The following SAMD4A variants were observed in gnomAD, a reference collection of about 807,000 sequenced individuals.
SAMD4A encodes the protein protein Smaug homolog 1.
Under a neutral mutation model 81.3 loss-of-function variants are expected in SAMD4A, and 33 were observed. The observed-to-expected ratio is 0.41, with a 90% CI of 0.31 to 0.54. The LOEUF (loss-of-function observed/expected upper bound fraction) is 0.54, where lower values mean the gene tolerates loss of function less well. Ranked by LOEUF, SAMD4A falls within the 20% of genes least tolerant of loss-of-function variation. The pLI, the probability that SAMD4A is intolerant of heterozygous loss-of-function variation, is 0.37. For missense variants in SAMD4A, 854 were observed against 951.1 expected, an observed-to-expected ratio of 0.90 and a Z score of 1.34; for synonymous variants, 389 against 382.1, an observed-to-expected ratio of 1.02 and a Z score of -0.21.
chr14:54,703,932 T>C (rs1459782343), intron 3 of SAMD4A: 3 of 152,202 alleles, frequency 2.0e-5, no homozygotes, highest in African/African-American at 7.2e-5. Flanking sequence ...CTTGGATCTT[T>C]GGTTACCAGG....
At chr14:54,651,210 T>A (rs940324765) in intron 2 of SAMD4A, among the ~76,000 whole-genome samples, 4 of 152,228 alleles carry the variant, frequency 2.6e-5, no homozygotes, top group Non-Finnish European at 5.9e-5. Context: ...TGACTTCTTT[T>A]ACTCGACTCA....
intron 2 of SAMD4A, among the ~76,000 whole-genome samples, chr14:54,670,035 C>T (rs530908467): frequency 5.3e-5 from 8 of 152,134 alleles, no homozygotes; most frequent in East Asian, 3.9e-4. Context: ...ACGTTGTGAA[C>T]GCACTGAGTG....
intron 3 of SAMD4A, among the ~76,000 whole-genome samples, chr14:54,723,425 A>G (rs952075213): frequency 1.3e-5 from 2 of 152,214 alleles, no homozygotes; most frequent in African/African-American, 2.4e-5. Flanking sequence ...TTACCACAGA[A>G]GCAAGAATAG....
intron 3 of SAMD4A, among the ~76,000 whole-genome samples, chr14:54,706,588 G>A (rs1172017176): frequency 1.3e-5 from 2 of 148,410 alleles, no homozygotes; most frequent in African/African-American, 5.0e-5. Context: ...CTGGGTGACA[G>A]AGCAAGACTC....
In SAMD4A at chr14:54,597,584, C is replaced by CTTT. The variant is rs71127662; in HGVS notation, c.196+29493_196+29495dup. The stretch of plus-strand genomic sequence containing the variant: ...CACCGCACCCGGCCTTTCCTTCTAT[C>CTTT]TTTTTTTTTTTTTTTTTTTTTTTGA... On this transcript the variant is annotated intron_variant, in intron 2 of 12. Transcript: ENST00000554335. Among the ~76,000 whole-genome samples the CTTT allele has an allele frequency of 1.7e-3, 155 of 90,860 alleles. 5 individuals carry two copies. The highest frequency in any genetic ancestry group is 0.015 in the East Asian group (36 of 2,416). 59.6% of individuals were successfully genotyped at this position (90,860 alleles called of 152,430 possible).
intron 2 of SAMD4A, among the ~76,000 whole-genome samples, chr14:54,678,484 T>G: frequency 3.1e-5 from 2 of 64,900 alleles, no homozygotes; most frequent in African/African-American, 5.2e-5. Flanking sequence ...TGTGTGTGTG[T>G]GTGTGTGTGT....
chr14:54,772,395 AC>A (rs1018134949), intron 9 of SAMD4A, among the ~76,000 whole-genome samples: 7 of 151,948 alleles, frequency 4.6e-5, no homozygotes, highest in South Asian at 4.1e-4. Context: ...AGCAGTGGCA[AC>A]CCTCTGCAAA....
At chr14:54,695,224 T>C (rs531958441) in intron 2 of SAMD4A, among the ~76,000 whole-genome samples, 1 of 152,304 alleles carries the variant, frequency 6.6e-6, no homozygotes, top group South Asian at 2.1e-4. Flanking sequence ...TAACAACAAG[T>C]TATCTCAGTT....
chr14:54,738,394 T>C (rs1405336217), intron 4 of SAMD4A, among the ~76,000 whole-genome samples: 2 of 152,192 alleles, frequency 1.3e-5, no homozygotes, highest in Admixed American at 1.3e-4. Context: ...GACAAGAAGC[T>C]GCTCCCCTGG....
At chr14:54,782,247 C>T (rs2039016028) in intron 11 of SAMD4A, among the ~76,000 whole-genome samples, 1 of 152,270 alleles carries the variant, frequency 6.6e-6, no homozygotes, top group African/African-American at 2.4e-5. Context: ...ATCCAAATCT[C>T]TCCACAGTGT....
intron 3 of SAMD4A, among the ~76,000 whole-genome samples, chr14:54,722,333 A>G (rs1216279248): frequency 6.6e-6 from 1 of 152,066 alleles, no homozygotes; most frequent in African/African-American, 2.4e-5. Context: ...TTCTGGAACA[A>G]CCCCACTGGC....
At chr14:54,765,879 C>G (rs982680231) in intron 8 of SAMD4A, among the ~76,000 whole-genome samples, 29 of 152,152 alleles carry the variant, frequency 1.9e-4, no homozygotes, top group African/African-American at 6.8e-4. Context: ...GATTCCATCC[C>G]AGCTCCCCCT....
chr14:54,623,633 G>GGGAGGC (rs1372403632), intron 2 of SAMD4A, among the ~76,000 whole-genome samples: 7 of 152,146 alleles, frequency 4.6e-5, no homozygotes, highest in African/African-American at 1.4e-4. Context: ...GTTGGGGAGG[G>GGGAGGC]TGGGGACAAG....
At chr14:54,779,882 C>G (rs1191400812) in intron 11 of SAMD4A, among the ~76,000 whole-genome samples, 2 of 152,146 alleles carry the variant, frequency 1.3e-5, no homozygotes, top group Non-Finnish European at 2.9e-5. Flanking sequence ...CACCAGAAAA[C>G]AAGTGTGGCG....
chr14:54,603,686 A>G (rs1223555980), intron 2 of SAMD4A, among the ~76,000 whole-genome samples: 1 of 152,022 alleles, frequency 6.6e-6, no homozygotes, highest in African/African-American at 2.4e-5. Context: ...TACATGAGTC[A>G]TTCATTCCCA....
intron 2 of SAMD4A, among the ~76,000 whole-genome samples, chr14:54,675,672 G>A (rs551525736): frequency 1.9e-4 from 29 of 152,286 alleles, no homozygotes; most frequent in Non-Finnish European, 4.0e-4. Context: ...AAGTTTTATC[G>A]AGTTTCACCA....
intron 3 of SAMD4A, among the ~76,000 whole-genome samples, chr14:54,710,360 A>G (rs1168486642): frequency 6.6e-6 from 1 of 152,144 alleles, no homozygotes; most frequent in African/African-American, 2.4e-5. Context: ...CTTTACATAA[A>G]TATTAACTCA....
intron 2 of SAMD4A, among the ~76,000 whole-genome samples, chr14:54,684,707 C>T (rs1261353915): frequency 6.7e-6 from 1 of 148,488 alleles, no homozygotes; most frequent in Non-Finnish European, 1.5e-5. Flanking sequence ...CACTTCTCAG[C>T]TGCAGCTGCC....
chr14:54,690,453 G>A (rs1309529095), intron 2 of SAMD4A, among the ~76,000 whole-genome samples: 2 of 151,692 alleles, frequency 1.3e-5, no homozygotes, highest in Non-Finnish European at 2.9e-5. Flanking sequence ...GCCAAATAAT[G>A]TGTTGAGTCC....
Sources: allele counts gnomAD v4.1 joint callset (sites outside exome capture counted in the v4.1 genomes callset), GRCh38; gene constraint gnomAD v4.1.1; transcripts MANE v1.5; gene names NCBI Gene and HGNC (gene_info 2026-07-23, HGNC 2026-07-21).